Variants in DMGDH observed in about 807,000 individuals in gnomAD.
DMGDH encodes dimethylglycine dehydrogenase, mitochondrial.
Under a neutral mutation model 95.2 loss-of-function variants are expected in DMGDH, and 76 were observed. The ratio of observed to expected loss-of-function variants is 0.80; its 90% confidence interval spans 0.66 to 0.97. The LOEUF is 0.97. DMGDH is among the 50% of genes least tolerant of loss of function. The probability of loss-of-function intolerance (pLI) is 0.00; values close to 1 mark genes in which losing one functional copy is unlikely to be tolerated. For synonymous variants in DMGDH, 345 were observed against 377.6 expected (o/e 0.91, Z 1.00); for missense variants, 987 against 1,055.0 (o/e 0.94, Z 0.89).
chr5:79,021,675 TCTG>T, intron 14 of DMGDH: 2 of 1,306,640 alleles, frequency 1.5e-6, no homozygotes, highest in Non-Finnish European at 2.0e-6. Flanking sequence ...AAGCAGCTAT[TCTG>T]ATCCTATCAT....
chr5:79,006,833 C>A (rs1485885920), intron 14 of DMGDH, among the ~76,000 whole-genome samples: 1 of 142,268 alleles, frequency 7.0e-6, no homozygotes, highest in Non-Finnish European at 1.5e-5. Context: ...TCCTCACACA[C>A]CCTCACCTGA....
At chr5:79,065,300 C>T (rs1241879884) in intron 1 of DMGDH, among the ~76,000 whole-genome samples, 2 of 151,714 alleles carry the variant, frequency 1.3e-5, no homozygotes, top group Non-Finnish European at 2.9e-5. Context: ...CAAATTCCAC[C>T]CCCAAGGTTG....
chr5:79,008,681 A>G (rs1753590658), intron 14 of DMGDH, among the ~76,000 whole-genome samples: 2 of 152,192 alleles, frequency 1.3e-5, no homozygotes, highest in African/African-American at 4.8e-5. Context: ...CAATTTTACC[A>G]AAGGCTAAGA....
chr5:79,044,275 T>G (rs551426204), intron 6 of DMGDH, 29 bp downstream of exon 6: 4 of 1,614,184 alleles, frequency 2.5e-6, no homozygotes, highest in Non-Finnish European at 3.4e-6. Flanking sequence ...CATGTCTGAC[T>G]AGCACACACT....
At chr5:79,058,101 G>C (rs1310378431) in intron 2 of DMGDH, among the ~76,000 whole-genome samples, 1 of 152,142 alleles carries the variant, frequency 6.6e-6, no homozygotes, top group Non-Finnish European at 1.5e-5. Flanking sequence ...GGAAAAGTTA[G>C]TCTCCCTTAC....
At chr5:79,046,884 AAT>A (rs1283907663) in intron 5 of DMGDH, among the ~76,000 whole-genome samples, 1 of 152,232 alleles carries the variant, frequency 6.6e-6, no homozygotes, top group East Asian at 1.9e-4. Context: ...AATTGAAAAA[AAT>A]AAGTTCTGCC....
intron 14 of DMGDH, among the ~76,000 whole-genome samples, chr5:79,006,373 C>T (rs250513): frequency 0.21 from 31,585 of 152,002 alleles, 3,396 homozygotes; most frequent in Admixed American, 0.24. Context: ...TTCTACTCAA[C>T]CAAATGCCAG....
chr5:79,028,447 C>T lies in DMGDH; in HGVS notation c.2018G>A (p.Arg673Lys). Residue 673 changes from arginine to lysine, a missense_variant, in exon 12 of 16, where the codon AGG (arginine) becomes AAG (lysine). Physicochemically the swap from Arg to Lys is conservative, Grantham distance 26. Transcript: ENST00000255189. ...TCCAATCTTACCAGTATAAGATATCCTAATAGCAGTGACAGGAATGTTGGA... is the reference window on the plus strand; with the variant it reads ...TCCAATCTTACCAGTATAAGATATCTTAATAGCAGTGACAGGAATGTTGGA... ...KVSNIPVTAI[R>K]ISYTGELGWE... 1 of 1,612,958 alleles carries T rather than the reference C, an allele frequency of 6.2e-7. No individual in the cohort carries two copies. Among genetic ancestry groups the T allele is most frequent in the Non-Finnish European group, 8.5e-7 (1 of 1,179,064 alleles).
chr5:79,058,882 C>T (rs191052618), intron 2 of DMGDH, among the ~76,000 whole-genome samples: 1 of 152,270 alleles, frequency 6.6e-6, no homozygotes, highest in East Asian at 1.9e-4. Context: ...ACTAGTGCTT[C>T]CCCTGTCTCC....
rs248384 is a variant in DMGDH, at chr5:79,044,239, T to C, written c.994+65A>G. 864,941 of 1,609,082 alleles carry C rather than the reference T, an allele frequency of 0.54. 234,962 individuals carry two copies. Among genetic ancestry groups the C allele is most frequent in the East Asian group, 0.77 (34,393 of 44,864 alleles). On this transcript the variant is annotated intron_variant, in intron 6 of 15. Transcript: ENST00000255189. ...TTGTTGTCTTATTCTACAGCCATCCTCCAGCCATGGAGAGGATGAACCATT... is the reference window on the plus strand; with the variant it reads ...TTGTTGTCTTATTCTACAGCCATCCCCCAGCCATGGAGAGGATGAACCATT...
chr5:79,005,265 G>A lies in DMGDH; in HGVS notation c.2385+8C>T. ...ACAGCCCCTGGCAGTGAGGTCCTCAGCACTCACCTTGCCATTGTACCAGAT... is the reference window on the plus strand; with the variant it reads ...ACAGCCCCTGGCAGTGAGGTCCTCAACACTCACCTTGCCATTGTACCAGAT... On this transcript the variant is annotated splice_region_variant and intron_variant, in intron 15 of 15. Transcript: ENST00000255189. The A allele has an allele frequency of 1.2e-6, 2 of 1,613,380 alleles. No individual in the cohort carries two copies. Among genetic ancestry groups the A allele is most frequent in the African/African-American group, 1.3e-5 (1 of 75,032 alleles).
chr5:79,000,926 T>G, intron 15 of DMGDH: 4 of 670,922 alleles, frequency 6.0e-6, no homozygotes, highest in Non-Finnish European at 1.1e-5. Context: ...CAGGTGGAGC[T>G]GTACCTGGGT....
chr5:79,021,494 C>A, intron 14 of DMGDH: 1 of 1,263,972 alleles, frequency 7.9e-7, no homozygotes, highest in Non-Finnish European at 1.0e-6. Flanking sequence ...AACTCCAAGA[C>A]GGAAGGAAGC....
At chr5:79,050,274 ATAT>A (rs1168725737) in intron 5 of DMGDH, among the ~76,000 whole-genome samples, 6 of 17,086 alleles carry the variant, frequency 3.5e-4, no homozygotes, top group African/African-American at 5.3e-4. Context: ...AAAAAAAAAA[ATAT>A]ATATATATAT....
intron 7 of DMGDH, among the ~76,000 whole-genome samples, chr5:79,034,846 A>G (rs2112633225): frequency 6.6e-6 from 1 of 152,120 alleles, no homozygotes; most frequent in Non-Finnish European, 1.5e-5. Flanking sequence ...TCACGAGGTC[A>G]GGAGATCGAG....
chr5:79,037,456 A>G (rs1255716191), intron 7 of DMGDH, among the ~76,000 whole-genome samples: 1 of 152,172 alleles, frequency 6.6e-6, no homozygotes. Context: ...TATATTACAT[A>G]AGAAATATCT....
At chr5:79,000,360 A>T (rs192652972) in intron 15 of DMGDH, 42 of 652,588 alleles carry the variant, frequency 6.4e-5, no homozygotes, top group Middle Eastern at 5.3e-4. Context: ...TATTCTCACA[A>T]TATACTCTGT....
rs760553323 is a variant in DMGDH, at chr5:79,033,392, C to A, written c.1210G>T (p.Ala404Ser). The A allele has an allele frequency of 2.5e-6, 4 of 1,614,014 alleles. No homozygotes were observed. The African/African-American group carries it at 4.0e-5, about 16-fold the overall frequency. The change falls in exon 8 of 16, where the codon GCT (alanine) becomes TCT (serine). Residue 404 changes from alanine to serine, a missense_variant. By Grantham distance (99) the Ala-to-Ser change is moderately conservative. Coordinates refer to ENST00000255189, the MANE Select transcript of DMGDH (RefSeq NM_013391.3). ...AIGFGYGIIH[A>S]GGVGKYLSDW... ...CTGAGATATTTCCCTACCCCACCAG[C>A]GTGGATTATGCCATATCTTTCAAAT...
chr5:79,065,280 G>A (rs1156994743), intron 1 of DMGDH, among the ~76,000 whole-genome samples: 4 of 147,586 alleles, frequency 2.7e-5, no homozygotes, highest in Non-Finnish European at 5.9e-5. Flanking sequence ...GTGCAGTGGC[G>A]CCATCTTTGC....
Sources: allele counts gnomAD v4.1 joint callset (sites outside exome capture counted in the v4.1 genomes callset), GRCh38; gene constraint gnomAD v4.1.1; transcripts MANE v1.5; gene names NCBI Gene and HGNC (gene_info 2026-07-23, HGNC 2026-07-21).